The following FBXL6 variants were observed in gnomAD, a reference collection of about 807,000 sequenced individuals.
FBXL6 encodes the protein F-box and leucine rich repeat protein 6.
Under a neutral mutation model 53.3 loss-of-function variants are expected in FBXL6, and 50 were observed. The observed-to-expected ratio is 0.94, with a 90% confidence interval of 0.75 to 1.19. The LOEUF is 1.19. FBXL6 is among the 50% of genes most tolerant of loss of function. The pLI, the probability that FBXL6 is intolerant of heterozygous loss-of-function variation, is 0.00. For synonymous variants in FBXL6, 405 were observed against 322.9 expected, an observed-to-expected ratio of 1.25 and a Z score of -2.73; for missense variants, 815 against 719.0, an observed-to-expected ratio of 1.13 and a Z score of -1.53.
Position 144,356,921 on chromosome 8 carries a change from G to C in FBXL6, c.772-6C>G. On this transcript the variant is annotated splice_polypyrimidine_tract_variant and splice_region_variant and intron_variant, in intron 4 of 8. Coordinates refer to ENST00000331890, the MANE Select transcript of FBXL6 (RefSeq NM_012162.4). Reference sequence around the variant, plus strand: ...ACCACAGCTGTGGACTCCACCTGGGGCCCCAATACAAGAGCACCCGTCACC... The same window carrying C: ...ACCACAGCTGTGGACTCCACCTGGGCCCCCAATACAAGAGCACCCGTCACC... 6.2e-7 allele frequency: 1 copy of C among 1,613,232 alleles called. No homozygotes were observed. Among genetic ancestry groups the C allele is most frequent in the South Asian group, 1.1e-5 (1 of 91,076 alleles).
chr8:144,357,832 G>A (rs1554853291), intron 1 of FBXL6, 46 bp from the exon 2 acceptor site: 1 of 1,461,312 alleles, frequency 6.8e-7, no homozygotes, highest in South Asian at 1.4e-5. Flanking sequence ...CGTAGGCGAT[G>A]CCCCCCTCTC....
rs1297020415 is a variant in FBXL6 at position 144,358,101 on chromosome 8, G to A, written c.347C>T (p.Pro116Leu). ...GAAAATCTGCACCAGGATTTCCAAG[G>A]GAATGCGGTCTCCCCAGCCCGCGTC... Reference protein sequence around the residue: ...GPDAGWGDRIPLEILVQIFGL... With the variant: ...GPDAGWGDRILLEILVQIFGL... Residue 116 changes from proline to leucine, a missense_variant, in exon 1 of 9, where the codon CCC becomes CTC. Transcript: ENST00000331890. The A allele has an allele frequency of 1.3e-6, 2 of 1,597,068 alleles. No individual in the cohort carries two copies. The highest frequency in any genetic ancestry group is 2.3e-5 in the East Asian group (1 of 42,846).
In FBXL6 at chr8:144,356,136, G is replaced by C. The variant is rs782721558; in HGVS notation, c.1304C>G (p.Thr435Ser). The change falls in exon 8 of 9, where the codon ACC becomes AGC. Residue 435 changes from threonine to serine, a missense_variant. Coordinates refer to ENST00000331890, the MANE Select transcript of FBXL6 (RefSeq NM_012162.4). ...TCGCAGTGTATGGCACCACTTCTGG[G>C]TCAAAAAGGGGCTGCCCTCCTTGGC... is the stretch of plus-strand genomic sequence containing the variant. ...TLAKEGSPFL[T>S]QKWCHTLREL... is the part of the protein sequence containing the mutation. The C allele has an allele frequency of 3.7e-6, 6 of 1,612,978 alleles. No individual in the cohort carries two copies.
chr8:144,355,660 G>A lies in FBXL6; in HGVS notation c.1491C>T (p.Cys497=). The A allele has an allele frequency of 2.5e-6, 4 of 1,610,906 alleles. No homozygotes were observed. Among genetic ancestry groups the A allele is most frequent in the East Asian group, 2.2e-5 (1 of 44,876 alleles). Residue 497 remains cysteine, a synonymous_variant, in exon 9 of 9, where the codon TGC becomes TGT. Coordinates refer to ENST00000331890, the MANE Select transcript of FBXL6 (RefSeq NM_012162.4). ...PSTVSSVISG[C]PGLLYLNLES... ...CCAGGTTGAGGTAGAGCAGGCCCGG[G>A]CAGCCGCTGATCACAGAGCTGTGGG... is the stretch of plus-strand genomic sequence containing the variant.
chr8:144,355,740 G>A (rs1818372535), intron 8 of FBXL6, 62 bp from the exon 9 acceptor site: 4 of 1,587,922 alleles, frequency 2.5e-6, no homozygotes, highest in Non-Finnish European at 3.4e-6. Context: ...GGCCAGGCTA[G>A]GGAGCTGTGC....
In FBXL6 at chr8:144,356,827, G is replaced by A; in HGVS notation, c.860C>T (p.Ala287Val). Reference protein sequence around the residue: ...LWLTYSSQTTAILGALLGSCC... With the variant: ...LWLTYSSQTTVILGALLGSCC... Reference sequence around the variant, plus strand: ...ACTTACCAGCAGTGCGCCCAGGATGGCTGTCGTCTGGGAGCTGTAGGTCAG... The same window carrying A: ...ACTTACCAGCAGTGCGCCCAGGATGACTGTCGTCTGGGAGCTGTAGGTCAG... Residue 287 changes from alanine to valine, a missense_variant, in exon 5 of 9, where the codon GCC becomes GTC. Coordinates refer to ENST00000331890, the MANE Select transcript of FBXL6 (RefSeq NM_012162.4). 1 of 1,613,320 alleles carries A rather than the reference G, an allele frequency of 6.2e-7. No homozygotes were observed. The highest frequency in any genetic ancestry group is 8.5e-7 in the Non-Finnish European group (1 of 1,180,020).
At position 144,355,566 on chromosome 8, in the gene FBXL6, G is replaced by A; in HGVS notation, c.1585C>T (p.Leu529=). 1.2e-6 allele frequency: 2 copies of A among 1,611,260 alleles called. No individual in the cohort carries two copies. Among genetic ancestry groups the A allele is most frequent in the Non-Finnish European group, 1.7e-6 (2 of 1,179,930 alleles). ...GAGGGGCTGGTGAGCAGCTGCTCCA[G>A]ACACCACTGGACTTCCTCCAGGCCC... is the stretch of plus-strand genomic sequence containing the variant. ...YRGLEEVQWC[L]EQLLTSPSPS is the part of the protein sequence containing the mutation. Residue 529 remains leucine, a synonymous_variant, in exon 9 of 9, where the codon CTG becomes TTG. Coordinates refer to ENST00000331890, the MANE Select transcript of FBXL6 (RefSeq NM_012162.4).
rs1818522343 is a variant in FBXL6, at chr8:144,357,662, GCTT to G, written c.538_540del (p.Lys180del). 6.2e-7 allele frequency: 1 copy of G among 1,610,806 alleles called. No individual in the cohort carries two copies. The highest frequency in any genetic ancestry group is 8.5e-7 in the Non-Finnish European group (1 of 1,178,650). On this transcript the variant is annotated inframe_deletion, in exon 2 of 9. Coordinates refer to ENST00000331890, the MANE Select transcript of FBXL6 (RefSeq NM_012162.4). ...ATAAGCCACTCCAGGGAAGCAAGGA[GCTT>G]CTTCTCCGCCTTGACCCCGCCCTTG...
rs781919874 is a variant in FBXL6 at position 144,357,425 on chromosome 8, C to T, written c.639+14G>A. On this transcript the variant is annotated intron_variant, in intron 3 of 8. Transcript: ENST00000331890. ...GTGTCACAGCTGATGTGCAGGACAG[C>T]CTGGAGCTCTCACCTTCAACACGGG... The T allele has an allele frequency of 1.1e-5, 18 of 1,609,414 alleles. No individual in the cohort carries two copies. The highest frequency in any genetic ancestry group is 1.4e-5 in the Non-Finnish European group (17 of 1,178,014).
chr8:144,357,434 C>G lies in FBXL6; in HGVS notation c.639+5G>C. 1 of 1,611,538 alleles carries G rather than the reference C, an allele frequency of 6.2e-7. No homozygotes were observed. The highest frequency in any genetic ancestry group is 8.5e-7 in the Non-Finnish European group (1 of 1,179,100). On this transcript the variant is annotated splice_donor_5th_base_variant and intron_variant, in intron 3 of 8. Coordinates refer to ENST00000331890, the MANE Select transcript of FBXL6 (RefSeq NM_012162.4). The stretch of plus-strand genomic sequence containing the variant: ...CTGATGTGCAGGACAGCCTGGAGCT[C>G]TCACCTTCAACACGGGGTGTACCTG...
rs1818556236 is a variant in FBXL6, at chr8:144,358,121, C to G, written c.327G>C (p.Ala109=). The G allele has an allele frequency of 6.3e-7, 1 of 1,579,054 alleles. No homozygotes were observed. Among genetic ancestry groups the G allele is most frequent in the Non-Finnish European group, 8.6e-7 (1 of 1,167,760 alleles). ...PTPTPEEGPD[A]GWGDRIPLEI... The stretch of plus-strand genomic sequence containing the variant: ...CCAAGGGAATGCGGTCTCCCCAGCC[C>G]GCGTCGGGCCCTTCCTCGGGCGTGG... The change falls in exon 1 of 9, where the codon GCG becomes GCC. Residue 109 remains alanine, a synonymous_variant. Transcript: ENST00000331890.
In FBXL6 at chr8:144,356,524, C is replaced by A. The variant is rs782467045; in HGVS notation, c.1001G>T (p.Arg334Leu). The A allele has an allele frequency of 1.9e-6, 3 of 1,612,962 alleles. No individual in the cohort carries two copies. Among genetic ancestry groups the A allele is most frequent in the South Asian group, 2.2e-5 (2 of 91,078 alleles). ...GGGCAGCCACATCAGGTTCAACAGC[C>A]GCAGCACCTGGGGGCAAGGTCCAGG... ...QKGCPQLQVL[R>L]LLNLMWLPKP... Residue 334 changes from arginine to leucine, a missense_variant, in exon 7 of 9, where the codon CGG becomes CTG. Transcript: ENST00000331890.
Position 144,358,204 on chromosome 8 carries a change from T to C in FBXL6, c.244A>G (p.Lys82Glu), listed in dbSNP as rs528243989. ...GCCGCCTCGGACCTGAGCCCGGCCT[T>C]GGGCTTGGCCGCGGCGCTGGGGCCC... ...PRGPSAAAKPKAGLRSEAAAA... is the reference protein window; with the variant it reads ...PRGPSAAAKPEAGLRSEAAAA... Residue 82 changes from lysine (K) to glutamate (E), a missense_variant, in exon 1 of 9, where the codon AAG becomes GAG. Transcript: ENST00000331890. The C allele has an allele frequency of 1.3e-4, 158 of 1,238,404 alleles. No individual in the cohort carries two copies. The Middle Eastern group carries it at 3.4e-3, about 27-fold the overall frequency. The allele number at this position is 1,238,404 out of a possible 1,614,324, so 76.7% of individuals were successfully genotyped here. A position where few individuals can be genotyped will look rare whatever the true frequency, so the allele number is the denominator to read the frequency against.
Position 144,357,620 on chromosome 8 carries a change from C to T in FBXL6, c.575+8G>A, listed in dbSNP as rs886185736. The T allele has an allele frequency of 1.2e-6, 2 of 1,604,678 alleles. No homozygotes were observed. The highest frequency in any genetic ancestry group is 1.7e-6 in the Non-Finnish European group (2 of 1,173,978). On this transcript the variant is annotated splice_region_variant and intron_variant, in intron 2 of 8. Transcript: ENST00000331890. The stretch of plus-strand genomic sequence containing the variant: ...AGCCAGGGGTAAGGAAGAGAGGGAA[C>T]CCCTCACCGATTGGGCATAAGCCAC...
rs1160256554 is a variant in FBXL6, at chr8:144,357,107, G to A, written c.654C>T (p.Cys218=). Residue 218 remains cysteine, a synonymous_variant, in exon 4 of 9, where the codon TGC becomes TGT. Coordinates refer to ENST00000331890, the MANE Select transcript of FBXL6 (RefSeq NM_012162.4). ...VHPVLKLVGE[C]CPRLTFLKLS... ...GCTTGAGGAAAGTGAGCCGAGGACAGCACTCACCTACCAGCTGCGGGGAGA... is the reference window on the plus strand; with the variant it reads ...GCTTGAGGAAAGTGAGCCGAGGACAACACTCACCTACCAGCTGCGGGGAGA... 1 of 1,612,814 alleles carries A rather than the reference G, an allele frequency of 6.2e-7. No homozygotes were observed. Among genetic ancestry groups the A allele is most frequent in the Non-Finnish European group, 8.5e-7 (1 of 1,180,008 alleles).
intron 2 of FBXL6, 26 bp from the exon 3 acceptor site, chr8:144,357,528 G>A (rs1586545088): frequency 6.2e-7 from 1 of 1,613,206 alleles, no homozygotes; most frequent in African/African-American, 1.3e-5. Context: ...AGGCAGAGCT[G>A]CACTAATGTT....
chr8:144,355,558 C>G lies in FBXL6; in HGVS notation c.1593G>C (p.Gln531His), dbSNP rs534505390. ...GLEEVQWCLE[Q>H]LLTSPSPS ...AGCTGGGTGAGGGGCTGGTGAGCAG[C>G]TGCTCCAGACACCACTGGACTTCCT... The change falls in exon 9 of 9, where the codon CAG (glutamine) becomes CAC (histidine). Residue 531 changes from glutamine to histidine, a missense_variant. Transcript: ENST00000331890. 1 of 1,611,082 alleles carries G rather than the reference C, an allele frequency of 6.2e-7. No homozygotes were observed. The highest frequency in any genetic ancestry group is 8.5e-7 in the Non-Finnish European group (1 of 1,179,762).
At position 144,358,457 on chromosome 8, in the gene FBXL6, C is replaced by G; in HGVS notation, c.-10G>C. ...AGGCTGGGGCAGCCATGACCACCGACGGCGCTCGGGGAAGCCCCAGGGAGC... is the reference window on the plus strand; with the variant it reads ...AGGCTGGGGCAGCCATGACCACCGAGGGCGCTCGGGGAAGCCCCAGGGAGC... On this transcript the variant is annotated 5_prime_UTR_variant, in exon 1 of 9. Coordinates refer to ENST00000331890, the MANE Select transcript of FBXL6 (RefSeq NM_012162.4). 2.4e-6 allele frequency: 3 copies of G among 1,238,042 alleles called. No individual in the cohort carries two copies. The South Asian group carries it at 1.2e-4, about 49-fold the overall frequency. 76.7% of individuals were successfully genotyped at this position (1,238,042 alleles called of 1,614,324 possible).
Position 144,358,351 on chromosome 8 carries a change from T to C in FBXL6, c.97A>G (p.Arg33Gly). 1 of 1,267,406 alleles carries C rather than the reference T, an allele frequency of 7.9e-7. No individual in the cohort carries two copies. Among genetic ancestry groups the C allele is most frequent in the Non-Finnish European group, 9.9e-7 (1 of 1,008,346 alleles). The allele number at this position is 1,267,406 out of a possible 1,614,324, so 78.5% of individuals were successfully genotyped here. A position where few individuals can be genotyped will look rare whatever the true frequency, so the allele number is the denominator to read the frequency against. Residue 33 changes from arginine (R) to glycine (G), a missense_variant, in exon 1 of 9, where the codon AGG becomes GGG. Transcript: ENST00000331890. The part of the protein sequence containing the change: ...EDWWWDRLAP[R>G]GSGYHLLQSD... ...TGCAGCAGGTGGTACCCCGAGCCCCTCGGCGCCAGCCGGTCCCACCACCAG... is the reference window on the plus strand; with the variant it reads ...TGCAGCAGGTGGTACCCCGAGCCCCCCGGCGCCAGCCGGTCCCACCACCAG...
Sources: gnomAD v4.1 joint callset for allele counts on GRCh38, gnomAD v4.1.1 for gene constraint, MANE v1.5 for transcripts, NCBI Gene and HGNC (gene_info 2026-07-23, HGNC 2026-07-21) for gene names.